GRIN1: variants seen among roughly 807,000 people sequenced by gnomAD.
The protein encoded by GRIN1 is glutamate ionotropic receptor NMDA type subunit 1.
GRIN1 carries 38 observed loss-of-function variants against 103.0 expected under a neutral mutation model. The observed-to-expected ratio is 0.37, with a 90% CI of 0.28 to 0.48. GRIN1 has a LOEUF of 0.48. GRIN1 is among the 20% of genes least tolerant of loss of function. The probability of loss-of-function intolerance (pLI) is 0.98; values close to 1 mark genes in which losing one functional copy is unlikely to be tolerated. For missense variants in GRIN1, 577 were observed against 1,288.9 expected (o/e 0.45, Z 8.46); for synonymous variants, 544 against 532.7 (o/e 1.02, Z -0.29).
chr9:137,168,226 TG>T lies in GRIN1; in HGVS notation c.*702del. ...AGTGGGGCCCATGGCCCCAGCTGGC[TG>T]GGTCGCCCCTCCTCGGGCGCCTGCG... On this transcript the variant is annotated 3_prime_UTR_variant, in exon 20 of 20. Coordinates refer to ENST00000371561, the MANE Select transcript of GRIN1 (RefSeq NM_007327.4). The T allele has an allele frequency of 3.2e-6, 1 of 311,552 alleles. No homozygotes were observed. The highest frequency in any genetic ancestry group is 9.8e-4 in the Middle Eastern group (1 of 1,024). The allele number at this position is 311,552 out of a possible 1,614,324, so 19.3% of individuals were successfully genotyped here.
chr9:137,140,348 T>C (rs1184285946), intron 1 of GRIN1, among the ~76,000 whole-genome samples: 2 of 152,086 alleles, frequency 1.3e-5, no homozygotes, highest in Admixed American at 6.5e-5. Context: ...GTCGGAGCTG[T>C]CCGCCCCTGG....
At chr9:137,164,687 G>A (rs1485589273) in intron 18 of GRIN1, 1 of 193,980 alleles carries the variant, frequency 5.2e-6, no homozygotes, top group Non-Finnish European at 1.1e-5. Flanking sequence ...GGCGGGCACA[G>A]GCCACCTGGC....
intron 2 of GRIN1, among the ~76,000 whole-genome samples, chr9:137,145,425 C>A (rs13291902): frequency 1.1e-5 from 1 of 95,028 alleles, no homozygotes; most frequent in Non-Finnish European, 2.1e-5. Flanking sequence ...CCCAGGGTGG[C>A]AGGGATGGGA....
intron 10 of GRIN1, 147 bp downstream of exon 10, chr9:137,161,563 G>T: frequency 1.4e-6 from 1 of 734,092 alleles, no homozygotes; most frequent in Non-Finnish European, 2.3e-6. Flanking sequence ...CTGCGGGCTG[G>T]GTCCTGGCGT....
intron 6 of GRIN1, among the ~76,000 whole-genome samples, chr9:137,158,097 C>T (rs1331855643): frequency 6.6e-6 from 1 of 152,240 alleles, no homozygotes; most frequent in Non-Finnish European, 1.5e-5. Flanking sequence ...ACGTCCTAAC[C>T]CACAGAAAGC....
chr9:137,157,324 C>A (rs1436219174), intron 6 of GRIN1, among the ~76,000 whole-genome samples: 2 of 152,178 alleles, frequency 1.3e-5, no homozygotes, highest in East Asian at 3.8e-4. Context: ...ATCCTCTGGA[C>A]ACTGTTACTT....
Position 137,161,088 on chromosome 9 carries a change from C to T in GRIN1, c.1230C>T (p.Tyr410=), listed in dbSNP as rs1240782478. The change falls in exon 9 of 20, where the codon TAC becomes TAT. Residue 410 remains tyrosine (Y), a synonymous_variant. Coordinates refer to ENST00000371561, the MANE Select transcript of GRIN1 (RefSeq NM_007327.4). ...IVTIHQEPFV[Y]VKPTLSDGTC... ...CGATCCACCAGGAGCCCTTCGTGTA[C>T]GTCAAGCCCACGCTGAGTGATGGGA... is the stretch of plus-strand genomic sequence containing the variant. 3.1e-6 allele frequency: 5 copies of T among 1,612,968 alleles called. No individual in the cohort carries two copies. The highest frequency in any genetic ancestry group is 1.3e-5 in the African/African-American group (1 of 75,046).
chr9:137,157,889 A>C (rs1278896280), intron 6 of GRIN1, among the ~76,000 whole-genome samples: 1 of 152,180 alleles, frequency 6.6e-6, no homozygotes, highest in East Asian at 1.9e-4. Flanking sequence ...CATGGGGTGC[A>C]CCCCACATAG....
At chr9:137,143,738 A>G (rs1832301712) in intron 2 of GRIN1, among the ~76,000 whole-genome samples, 1 of 152,224 alleles carries the variant, frequency 6.6e-6, no homozygotes, top group South Asian at 2.1e-4. Context: ...AGCAGGGGAC[A>G]TTTTTGCACC....
Position 137,161,215 on chromosome 9 carries a change from G to C in GRIN1, c.1339+18G>C. On this transcript the variant is annotated intron_variant, in intron 9 of 19. Transcript: ENST00000371561. ...GGGCAGCCGTGAGTGCGCGGGGCAG[G>C]GCGCGGGGCGCGGGGCAGGGCGCGG... 1 of 1,602,312 alleles carries C rather than the reference G, an allele frequency of 6.2e-7. No homozygotes were observed. Among genetic ancestry groups the C allele is most frequent in the Non-Finnish European group, 8.5e-7 (1 of 1,174,518 alleles).
chr9:137,166,387 G>A (rs529862593), intron 19 of GRIN1, among the ~76,000 whole-genome samples: 1 of 152,344 alleles, frequency 6.6e-6, no homozygotes, highest in Non-Finnish European at 1.5e-5. Flanking sequence ...AGGCAGCGGA[G>A]ACCTCAGCCC....
Position 137,167,630 on chromosome 9 carries a change from G to A in GRIN1, c.*103G>A. ...CAGAGCCCCGGAGCACCACGGGGTCGGGGGAGGAGCACCCCCAGCCTCCCC... is the reference window on the plus strand; with the variant it reads ...CAGAGCCCCGGAGCACCACGGGGTCAGGGGAGGAGCACCCCCAGCCTCCCC... On this transcript the variant is annotated 3_prime_UTR_variant, in exon 20 of 20. Coordinates refer to ENST00000371561, the MANE Select transcript of GRIN1 (RefSeq NM_007327.4). The A allele has an allele frequency of 2.6e-6, 4 of 1,511,766 alleles. No homozygotes were observed. The highest frequency in any genetic ancestry group is 1.8e-6 in the Non-Finnish European group (2 of 1,128,938). The allele number at this position is 1,511,766 out of a possible 1,614,324, so 93.6% of individuals were successfully genotyped here.
chr9:137,147,646 C>A (rs1313373906), intron 3 of GRIN1, among the ~76,000 whole-genome samples: 1 of 152,264 alleles, frequency 6.6e-6, no homozygotes, highest in South Asian at 2.1e-4. Context: ...CCCTCTTGGG[C>A]GCATATGCGA....
Position 137,162,965 on chromosome 9 carries a change from CGA to C in GRIN1, c.2137_2138del (p.Ser713CysfsTer86). Reference protein sequence around the residue: ...MYRHMEKHNYESAAEAIQAVR... With the variant: ...MYRHMEKHNYXSAAEAIQAVR... ...ACCGGCATATGGAGAAGCACAACTA[CGA>C]GAGTGCGGCGGAGGCCATCCAGGCC... On this transcript the variant is annotated frameshift_variant, in exon 15 of 20. Transcript: ENST00000371561. LOFTEE classifies it high-confidence loss of function. 1 of 1,607,244 alleles carries C rather than the reference CGA, an allele frequency of 6.2e-7. No homozygotes were observed. Among genetic ancestry groups the C allele is most frequent in the Non-Finnish European group, 8.5e-7 (1 of 1,177,744 alleles).
At chr9:137,151,706 C>G (rs1454600196) in intron 4 of GRIN1, among the ~76,000 whole-genome samples, 1 of 152,216 alleles carries the variant, frequency 6.6e-6, no homozygotes, top group Admixed American at 6.5e-5. Context: ...TGCTTTGTCA[C>G]CCAGGCTGGA....
rs1833814793 is a variant in GRIN1 at position 137,165,401 on chromosome 9, ACTCTGCCCCTGTCTCCCTGTGGCGGCCG to A, written c.2700+114_2700+141del. 8 of 772,192 alleles carry A rather than the reference ACTCTGCCCCTGTCTCCCTGTGGCGGCCG, an allele frequency of 1.0e-5. 1 individual carries two copies. The South Asian group carries it at 1.1e-4, about 11-fold the overall frequency. 47.8% of individuals were successfully genotyped at this position (772,192 alleles called of 1,614,324 possible). Reference sequence around the variant, plus strand: ...CCCGGACCCTGGGCTCCTGTGGCCCACTCTGCCCCTGTCTCCCTGTGGCGGCCGCTCTGCCCAGCCCGCCCATGCTGCT... The same window carrying A: ...CCCGGACCCTGGGCTCCTGTGGCCCACTCTGCCCAGCCCGCCCATGCTGCT... On this transcript the variant is annotated intron_variant, in intron 19 of 19. Transcript: ENST00000371561.
At chr9:137,163,128 T>C (rs1332085884) in intron 15 of GRIN1, 41 bp from the exon 16 acceptor site, 1 of 1,607,888 alleles carries the variant, frequency 6.2e-7, no homozygotes, top group Non-Finnish European at 8.5e-7. Flanking sequence ...GCTTCCAGGC[T>C]GGCAGGACCA....
At chr9:137,150,823 G>GAA in intron 4 of GRIN1, among the ~76,000 whole-genome samples, 1 of 50,692 alleles carries the variant, frequency 2.0e-5, no homozygotes, top group African/African-American at 7.9e-5. Flanking sequence ...GCCCAGAAAA[G>GAA]ACCCGCCCAG....
intron 8 of GRIN1, 120 bp from the exon 9 acceptor site, chr9:137,160,936 G>A (rs886536283): frequency 1.4e-5 from 18 of 1,269,850 alleles, no homozygotes; most frequent in Admixed American, 1.9e-5. Flanking sequence ...AGGGCGGGGG[G>A]TGTGAGGGGT....
Sources: allele counts gnomAD v4.1 joint callset (sites outside exome capture counted in the v4.1 genomes callset), GRCh38; gene constraint gnomAD v4.1.1; transcripts MANE v1.5; gene names NCBI Gene and HGNC (gene_info 2026-07-23, HGNC 2026-07-21).